Variants in LMF1 observed in about 807,000 individuals in gnomAD.
The protein encoded by LMF1 is lipase maturation factor 1, also known as transmembrane protein 112.
Under a neutral mutation model 60.6 loss-of-function variants are expected in LMF1, and 68 were observed. The ratio of observed to expected loss-of-function variants is 1.12; its 90% CI spans 0.92 to 1.37. The LOEUF (loss-of-function observed/expected upper bound fraction) is 1.37. Ranked by LOEUF, LMF1 falls within the 40% of genes most tolerant of loss-of-function variation. The probability of loss-of-function intolerance (pLI) is 0.00; values close to 1 mark genes in which losing one functional copy is unlikely to be tolerated. For missense variants in LMF1, 948 were observed against 767.2 expected (o/e 1.24, Z -2.78); for synonymous variants, 418 against 324.7 (o/e 1.29, Z -3.09).
intron 5 of LMF1, among the ~76,000 whole-genome samples, chr16:882,634 G>A (rs1046383666): frequency 6.6e-6 from 1 of 151,854 alleles, no homozygotes; most frequent in Admixed American, 6.6e-5. Flanking sequence ...TACTGCTCAG[G>A]AGAAGAGCTG....
At chr16:924,600 CAG>C (rs1160096207) in intron 3 of LMF1, among the ~76,000 whole-genome samples, 1 of 152,174 alleles carries the variant, frequency 6.6e-6, no homozygotes, top group East Asian at 1.9e-4. Flanking sequence ...CGGCCACTGT[CAG>C]GGGCAGCCGG....
At chr16:947,670 G>A (rs1209827772) in intron 2 of LMF1, 1 of 446,236 alleles carries the variant, frequency 2.2e-6, no homozygotes, top group Non-Finnish European at 4.5e-6. Context: ...CGAGACAGTG[G>A]GGAAGGGATG....
intron 1 of LMF1, among the ~76,000 whole-genome samples, chr16:970,173 C>T (rs972442044): frequency 6.6e-6 from 1 of 152,258 alleles, no homozygotes; most frequent in African/African-American, 2.4e-5. Context: ...AAAGGAGAAA[C>T]TCCAGTCTGG....
chr16:878,574 A>T lies in LMF1; in HGVS notation c.897+996T>A, dbSNP rs1174388997. Among the ~76,000 whole-genome samples the T allele has an allele frequency of 6.6e-6, 1 of 152,252 alleles. No individual in the cohort carries two copies. Among genetic ancestry groups the T allele is most frequent in the Non-Finnish European group, 1.5e-5 (1 of 68,040 alleles). On this transcript the variant is annotated intron_variant, in intron 6 of 10. Coordinates refer to ENST00000262301, the MANE Select transcript of LMF1 (RefSeq NM_022773.4). This position sits in a 1 kb window ranked among gnomAD's most constrained non-coding sequence, Gnocchi z 5.2. ...GAAAACCAGAAACTACCACACGTGC[A>T]CAGACGGGACGGGTGAACCGACCGC...
rs541495226 is a variant in LMF1 at position 950,849 on chromosome 16, A to G, written c.503+3508T>C. 1.3e-3 allele frequency among the ~76,000 whole-genome samples: 187 copies of G among 146,064 alleles called. 25 individuals are homozygous for G. Among genetic ancestry groups the G allele is most frequent in the African/African-American group, 4.4e-3 (171 of 38,892 alleles). ...GACAGAGTCAGCCAATGACAGAGTC[A>G]GAGCCAACGACAGAGTCAGCCAAGG... On this transcript the variant is annotated intron_variant, in intron 2 of 10. Coordinates refer to ENST00000262301, the MANE Select transcript of LMF1 (RefSeq NM_022773.4).
rs764554744 is a variant in LMF1 at position 869,068 on chromosome 16, G to T, written c.1417-12C>A. On this transcript the variant is annotated splice_polypyrimidine_tract_variant and intron_variant, in intron 9 of 10. Transcript: ENST00000262301. Reference sequence around the variant, plus strand: ...TTGTGCTCGTAGGTCTGGGAGGAGAGGTCGGGCTGGAGACGGCTGTGCCAC... The same window carrying T: ...TTGTGCTCGTAGGTCTGGGAGGAGATGTCGGGCTGGAGACGGCTGTGCCAC... 1 of 1,583,962 alleles carries T rather than the reference G, an allele frequency of 6.3e-7. No individual in the cohort carries two copies. Among genetic ancestry groups the T allele is most frequent in the Admixed American group, 1.7e-5 (1 of 59,990 alleles).
intron 3 of LMF1, among the ~76,000 whole-genome samples, chr16:920,324 G>A (rs766140908): frequency 1.3e-5 from 2 of 152,216 alleles, no homozygotes; most frequent in African/African-American, 4.8e-5. Flanking sequence ...GGCTCCACAC[G>A]GACGCAGGAA....
intron 9 of LMF1, 47 bp downstream of exon 9, chr16:869,836 G>A (rs748465907): frequency 7.6e-6 from 12 of 1,576,022 alleles, no homozygotes; most frequent in Middle Eastern, 3.3e-4. Context: ...GGCAGAAGAG[G>A]GTGGGGTACA....
intron 5 of LMF1, among the ~76,000 whole-genome samples, chr16:888,327 C>A (rs530468085): frequency 6.6e-6 from 1 of 152,196 alleles, no homozygotes; most frequent in Non-Finnish European, 1.5e-5. Flanking sequence ...TTGGATTTCC[C>A]GCAGCTTTCT....
At chr16:941,847 C>G (rs1030936417) in intron 2 of LMF1, among the ~76,000 whole-genome samples, 3 of 152,206 alleles carry the variant, frequency 2.0e-5, no homozygotes, top group African/African-American at 4.8e-5. Context: ...GTTACAGATT[C>G]AGGAAGGATC....
chr16:882,355 G>GT (rs1220964086), intron 5 of LMF1, among the ~76,000 whole-genome samples: 1 of 152,232 alleles, frequency 6.6e-6, no homozygotes, highest in Non-Finnish European at 1.5e-5. Context: ...AGAATGCAGC[G>GT]TGAGTGATGT....
chr16:886,442 T>C (rs2070308814), intron 5 of LMF1, among the ~76,000 whole-genome samples: 1 of 151,666 alleles, frequency 6.6e-6, no homozygotes, highest in African/African-American at 2.4e-5. Context: ...CTCTGCTGAG[T>C]GATGCCAGGG....
intron 2 of LMF1, chr16:947,475 C>T (rs59925733): frequency 0.19 from 86,839 of 455,626 alleles, 9,684 homozygotes; most frequent in East Asian, 0.31. Flanking sequence ...TCCCTGGGTG[C>T]TGGCGGCCTC....
rs184368478 is a variant in LMF1 at position 893,849 on chromosome 16, T to C, written c.664-777A>G. 9.9e-5 allele frequency among the ~76,000 whole-genome samples: 15 copies of C among 152,184 alleles called. No individual in the cohort carries two copies. In the Middle Eastern group the frequency reaches 0.02, roughly 207 times the overall value. ...CCTAAAATCACCGCTGAGACACAGA[T>C]TCACATCCAGCGTCTCTCACACACT... is the stretch of plus-strand genomic sequence containing the variant. On this transcript the variant is annotated intron_variant, in intron 4 of 10. Coordinates refer to ENST00000262301, the MANE Select transcript of LMF1 (RefSeq NM_022773.4).
At chr16:887,813 G>A (rs886702191) in intron 5 of LMF1, among the ~76,000 whole-genome samples, 1 of 152,078 alleles carries the variant, frequency 6.6e-6, no homozygotes, top group Non-Finnish European at 1.5e-5. Flanking sequence ...CAGTGCTTCC[G>A]GATCACTCTA....
rs7203589 is a variant in LMF1, at chr16:889,312, G to C, written c.729+3695C>G. On this transcript the variant is annotated intron_variant, in intron 5 of 10. Coordinates refer to ENST00000262301, the MANE Select transcript of LMF1 (RefSeq NM_022773.4). ...CTGAATTTGCCGGCAACTGCCTTTC[G>C]TTACCAGCAGATGAAAAAAGCGGTG... 4.8e-4 allele frequency among the ~76,000 whole-genome samples: 73 copies of C among 152,138 alleles called. 1 individual carries two copies. The highest frequency in any genetic ancestry group is 1.5e-3 in the African/African-American group (62 of 41,456).
intron 10 of LMF1, among the ~76,000 whole-genome samples, chr16:864,765 C>G (rs180983600): frequency 6.6e-6 from 1 of 150,828 alleles, no homozygotes. Context: ...GCTGGGATTA[C>G]AGGCATGCAC....
rs555959790 is a variant in LMF1 at position 913,808 on chromosome 16, C to T, written c.515-2729G>A. On this transcript the variant is annotated intron_variant, in intron 3 of 10. Transcript: ENST00000262301. ...CTCTGGATGTCAGGTCTGCAGCCACCGGAGGCGTGGGGCACACAGAAGAGA... is the reference window on the plus strand; with the variant it reads ...CTCTGGATGTCAGGTCTGCAGCCACTGGAGGCGTGGGGCACACAGAAGAGA... Among the ~76,000 whole-genome samples the T allele has an allele frequency of 1.4e-3, 211 of 145,684 alleles. 1 individual carries two copies. The highest frequency in any genetic ancestry group is 5.5e-3 in the African/African-American group (202 of 37,014).
chr16:855,640 A>G (rs1159303063), intron 10 of LMF1: 1 of 451,848 alleles, frequency 2.2e-6, no homozygotes, highest in Non-Finnish European at 4.5e-6. Context: ...CTCAGCCCAC[A>G]GGGCGGCTGC....
Sources: allele counts gnomAD v4.1 joint callset (sites outside exome capture counted in the v4.1 genomes callset), GRCh38; gene constraint gnomAD v4.1.1; non-coding constraint Gnocchi (gnomAD v3.1); transcripts MANE v1.5; gene names NCBI Gene and HGNC (gene_info 2026-07-23, HGNC 2026-07-21).